The following KCNIP4 variants were observed in gnomAD, a reference collection of about 807,000 sequenced individuals.
KCNIP4 encodes Kv channel-interacting protein 4.
Under a neutral mutation model 34.0 loss-of-function variants are expected in KCNIP4, and 12 were observed. That is an observed-to-expected ratio of 0.35 (90% CI 0.23 to 0.57). The LOEUF is 0.57. Among genes scored for constraint, KCNIP4 ranks in the 20% least tolerant of loss-of-function variants. KCNIP4 has a pLI of 0.83. For missense variants in KCNIP4, 238 were observed against 311.7 expected (o/e 0.76, Z 1.78); for synonymous variants, 124 against 102.2 (o/e 1.21, Z -1.29).
At chr4:21,711,006 T>C (rs946267634) in intron 1 of KCNIP4, among the ~76,000 whole-genome samples, 2 of 152,238 alleles carry the variant, frequency 1.3e-5, no homozygotes, top group Non-Finnish European at 2.9e-5. Flanking sequence ...ATTTCATTAA[T>C]GTAGAGGCAC....
chr4:21,105,471 C>T (rs1748429061), intron 1 of KCNIP4, among the ~76,000 whole-genome samples: 1 of 151,680 alleles, frequency 6.6e-6, no homozygotes, highest in Non-Finnish European at 1.5e-5. Flanking sequence ...GCTGAAGTTG[C>T]TTATCAGCTG....
intron 1 of KCNIP4, among the ~76,000 whole-genome samples, chr4:21,147,816 G>A (rs555309138): frequency 3.6e-4 from 55 of 151,582 alleles, no homozygotes; most frequent in African/African-American, 1.3e-3. Flanking sequence ...GCAGATGCCT[G>A]TAATCCCAGC....
intron 1 of KCNIP4, among the ~76,000 whole-genome samples, chr4:21,261,063 G>C (rs1359758439): frequency 1.3e-5 from 2 of 152,118 alleles, no homozygotes; most frequent in African/African-American, 4.8e-5. Flanking sequence ...GATGATCCTA[G>C]AATTTAACAG....
At chr4:21,312,931 G>C (rs1713345248) in intron 1 of KCNIP4, among the ~76,000 whole-genome samples, 1 of 152,194 alleles carries the variant, frequency 6.6e-6, no homozygotes, top group South Asian at 2.1e-4. Context: ...CAAGCTAAGT[G>C]AAGTAAATAG....
chr4:21,870,029 T>C (rs1378428800), intron 1 of KCNIP4, among the ~76,000 whole-genome samples: 1 of 152,184 alleles, frequency 6.6e-6, no homozygotes, highest in Non-Finnish European at 1.5e-5. Context: ...GACTGTCTTA[T>C]ACCATCTGTG....
chr4:21,275,691 C>A (rs1235146277), intron 1 of KCNIP4, among the ~76,000 whole-genome samples: 2 of 152,322 alleles, frequency 1.3e-5, no homozygotes, highest in Admixed American at 6.5e-5. Flanking sequence ...AAACTCAGTT[C>A]TCTTTGCTAT....
chr4:21,765,819 GAAA>G (rs374486594), intron 1 of KCNIP4, among the ~76,000 whole-genome samples: 1,297 of 95,056 alleles, frequency 0.014, 15 homozygotes, highest in South Asian at 0.078. Context: ...ACCAGGCCGT[GAAA>G]AAAAAAAAAA....
At chr4:20,868,848 T>C (rs1723134589) in intron 2 of KCNIP4, among the ~76,000 whole-genome samples, 2 of 152,010 alleles carry the variant, frequency 1.3e-5, no homozygotes, top group Non-Finnish European at 2.9e-5. Context: ...GGCGGGACAT[T>C]GAAAAACTAC....
chr4:21,708,378 C>T (rs1391999426), intron 1 of KCNIP4, among the ~76,000 whole-genome samples: 3 of 151,950 alleles, frequency 2.0e-5, no homozygotes, highest in African/African-American at 7.3e-5. Flanking sequence ...ATTCTTAGGC[C>T]CCGCCTCCAA....
intron 1 of KCNIP4, among the ~76,000 whole-genome samples, chr4:21,548,529 A>T (rs371442752): frequency 6.6e-6 from 1 of 151,984 alleles, no homozygotes; most frequent in Admixed American, 6.6e-5. Context: ...AAATATGTCT[A>T]TAATGACTGC....
intron 1 of KCNIP4, among the ~76,000 whole-genome samples, chr4:21,786,017 T>C (rs59007153): frequency 0.11 from 17,416 of 152,186 alleles, 2,981 homozygotes; most frequent in African/African-American, 0.37. Context: ...GGCACTATCT[T>C]GGCTCACTGC....
chr4:21,401,344 T>C (rs911220477), intron 1 of KCNIP4, among the ~76,000 whole-genome samples: 4 of 152,198 alleles, frequency 2.6e-5, no homozygotes, highest in Non-Finnish European at 5.9e-5. Context: ...ACTTTCTCTT[T>C]AAGGAATGAC....
chr4:21,856,312 G>T (rs1430556851), intron 1 of KCNIP4, among the ~76,000 whole-genome samples: 2 of 152,182 alleles, frequency 1.3e-5, no homozygotes, highest in African/African-American at 4.8e-5. Flanking sequence ...TCCCAAATGG[G>T]GATTAAATTT....
chr4:21,339,042 C>T (rs940097292), intron 1 of KCNIP4, among the ~76,000 whole-genome samples: 1 of 152,114 alleles, frequency 6.6e-6, no homozygotes, highest in African/African-American at 2.4e-5. Flanking sequence ...GCTTCTTGAG[C>T]TACCATAGCA....
chr4:21,475,005 AAC>A (rs373832091), intron 1 of KCNIP4, among the ~76,000 whole-genome samples: 28,108 of 141,854 alleles, frequency 0.2, 3,282 homozygotes, highest in Non-Finnish European at 0.27. Context: ...CATCTCGAAA[AAC>A]AAAAAAAAAA....
chr4:21,374,509 T>C (rs1720792379), intron 1 of KCNIP4, among the ~76,000 whole-genome samples: 1 of 147,186 alleles, frequency 6.8e-6, no homozygotes, highest in African/African-American at 2.7e-5. Flanking sequence ...TTATGGGAGC[T>C]ACAATTCAAG....
At chr4:20,740,384 G>A (rs1750772655) in intron 5 of KCNIP4, among the ~76,000 whole-genome samples, 1 of 152,138 alleles carries the variant, frequency 6.6e-6, no homozygotes, top group Admixed American at 6.5e-5. Context: ...GGAACTCTCG[G>A]CAGAAACTTT....
At chr4:21,265,230 A>G (rs895011928) in intron 1 of KCNIP4, among the ~76,000 whole-genome samples, 1 of 152,156 alleles carries the variant, frequency 6.6e-6, no homozygotes, top group African/African-American at 2.4e-5. Flanking sequence ...CACAGGCAAA[A>G]GCAGGCAGGA....
chr4:21,908,234 C>A (rs1418720623), intron 1 of KCNIP4, among the ~76,000 whole-genome samples: 1 of 152,142 alleles, frequency 6.6e-6, no homozygotes, highest in Non-Finnish European at 1.5e-5. Flanking sequence ...AAAGCAGGAA[C>A]TATTCCACAC....
Sources: gnomAD v4.1 joint callset for allele counts (sites outside exome capture counted in the v4.1 genomes callset) on GRCh38, gnomAD v4.1.1 for gene constraint, MANE v1.5 for transcripts, NCBI Gene and HGNC (gene_info 2026-07-23, HGNC 2026-07-21) for gene names.